The following TAFA1 variants were observed in gnomAD, a reference collection of about 807,000 sequenced individuals.
TAFA1 encodes the protein chemokine-like protein TAFA-1.
In TAFA1, 4 loss-of-function variants were observed where a neutral mutation model predicts 18.5. The ratio of observed to expected loss-of-function variants is 0.22; its 90% CI spans 0.11 to 0.49. TAFA1 has a LOEUF of 0.49. Among genes scored for constraint, TAFA1 ranks in the 20% least tolerant of loss-of-function variants. The probability of loss-of-function intolerance (pLI) is 0.98; values close to 1 mark genes in which losing one functional copy is unlikely to be tolerated. For synonymous variants in TAFA1, 56 were observed against 55.2 expected, an observed-to-expected ratio of 1.01 and a Z score of -0.06; for missense variants, 147 against 169.0, an observed-to-expected ratio of 0.87 and a Z score of 0.72.
chr3:68,539,691 GGT>G (rs1433012240), intron 4 of TAFA1, among the ~76,000 whole-genome samples: 35 of 86,582 alleles, frequency 4.0e-4, no homozygotes, highest in East Asian at 6.7e-4. Context: ...GGGGGCATGG[GGT>G]GGGTGGGTGG....
In TAFA1 at chr3:68,029,142, A is replaced by AT. The variant is rs540530716; in HGVS notation, c.118+22406dup. On this transcript the variant is annotated intron_variant, in intron 2 of 4. Transcript: ENST00000478136. The stretch of plus-strand genomic sequence containing the variant: ...TCCTTCTCTCAAGATTCTCTATCAC[A>AT]TTTTTTTTAACCACATAAGGTAATA... 2.0e-4 allele frequency among the ~76,000 whole-genome samples: 31 copies of AT among 151,878 alleles called. 1 individual carries two copies. The South Asian group carries it at 2.9e-3, about 14-fold the overall frequency.
chr3:68,065,431 T>G (rs564709699), intron 2 of TAFA1, among the ~76,000 whole-genome samples: 1 of 152,266 alleles, frequency 6.6e-6, no homozygotes, highest in East Asian at 1.9e-4. Context: ...TGCAAGCACA[T>G]TACAAGGGCA....
At position 68,543,385 on chromosome 3, in the gene TAFA1, G is replaced by A. The variant is rs188076069; in HGVS notation, c.385-1101G>A. ...ATCTGGTGTCATATCTTGGGAAGCAGCAAACCACGCTGGGTTTGCTTCATT... is the reference window on the plus strand; with the variant it reads ...ATCTGGTGTCATATCTTGGGAAGCAACAAACCACGCTGGGTTTGCTTCATT... On this transcript the variant is annotated intron_variant, in intron 4 of 4. Coordinates refer to ENST00000478136, the MANE Select transcript of TAFA1 (RefSeq NM_213609.4). Among the ~76,000 whole-genome samples, 51 of 152,246 alleles carry A rather than the reference G, an allele frequency of 3.3e-4. No homozygotes were observed. In the East Asian group the frequency reaches 8.5e-3, roughly 25 times the overall value.
intron 2 of TAFA1, among the ~76,000 whole-genome samples, chr3:68,223,547 A>G (rs1398704651): frequency 7.4e-6 from 1 of 134,322 alleles, no homozygotes; most frequent in African/African-American, 2.8e-5. Context: ...TTTTTTTTTT[A>G]TTATCACCAT....
At chr3:68,327,162 A>G (rs111285325) in intron 2 of TAFA1, among the ~76,000 whole-genome samples, 3,067 of 152,204 alleles carry the variant, frequency 0.02, 100 homozygotes, top group African/African-American at 0.07. Context: ...TTCACCTTCC[A>G]TCATGATTGT....
chr3:68,289,923 T>C (rs1029724814), intron 2 of TAFA1, among the ~76,000 whole-genome samples: 2 of 152,196 alleles, frequency 1.3e-5, no homozygotes, highest in African/African-American at 4.8e-5. Flanking sequence ...AGTAAACCAA[T>C]GGACTTGTGT....
At chr3:68,131,764 G>A (rs564154150) in intron 2 of TAFA1, among the ~76,000 whole-genome samples, 20 of 152,326 alleles carry the variant, frequency 1.3e-4, no homozygotes, top group African/African-American at 3.8e-4. Context: ...CAAGAGCCTC[G>A]CTGGGAATCC....
chr3:68,417,438 C>T lies in TAFA1; in HGVS notation c.259+18C>T, dbSNP rs375073633. On this transcript the variant is annotated intron_variant, in intron 3 of 4. Transcript: ENST00000478136. ...CGTCGATGGTAGGTACCTGGTTTTA[C>T]CTCTTGAAAAGCTCACATGGCATTC... 2.9e-5 allele frequency: 46 copies of T among 1,612,532 alleles called. No homozygotes were observed. The highest frequency in any genetic ancestry group is 3.8e-5 in the Non-Finnish European group (45 of 1,179,220).
At chr3:68,249,593 A>AT (rs2067153269) in intron 2 of TAFA1, among the ~76,000 whole-genome samples, 1 of 152,168 alleles carries the variant, frequency 6.6e-6, no homozygotes, top group African/African-American at 2.4e-5. Context: ...GGCAAAAAAA[A>AT]CTTGGGTACC....
intron 2 of TAFA1, among the ~76,000 whole-genome samples, chr3:68,045,791 A>G (rs1012777357): frequency 2.0e-5 from 3 of 152,132 alleles, no homozygotes; most frequent in African/African-American, 4.8e-5. Context: ...CCACTCTTTA[A>G]TCATTCATTT....
intron 2 of TAFA1, among the ~76,000 whole-genome samples, chr3:68,210,493 C>G (rs1051877512): frequency 2.0e-5 from 3 of 152,050 alleles, no homozygotes; most frequent in Non-Finnish European, 4.4e-5. Context: ...ACCTGACTCA[C>G]TGAATCATCT....
chr3:68,076,805 T>G (rs2106762654), intron 2 of TAFA1, among the ~76,000 whole-genome samples: 1 of 152,380 alleles, frequency 6.6e-6, no homozygotes, highest in Admixed American at 6.5e-5. Flanking sequence ...TGATTTATAG[T>G]CCTTTGGGTA....
intron 3 of TAFA1, among the ~76,000 whole-genome samples, chr3:68,456,877 C>G (rs2071676945): frequency 6.6e-6 from 1 of 152,150 alleles, no homozygotes; most frequent in South Asian, 2.1e-4. Context: ...AGCAATTCAA[C>G]TTTTTCTTGT....
chr3:68,060,452 A>G (rs2064588458), intron 2 of TAFA1, among the ~76,000 whole-genome samples: 1 of 152,150 alleles, frequency 6.6e-6, no homozygotes, highest in South Asian at 2.1e-4. Context: ...TTTAAAGAAC[A>G]TTGTTTTAGG....
intron 2 of TAFA1, among the ~76,000 whole-genome samples, chr3:68,414,368 C>T (rs767511443): frequency 6.6e-6 from 1 of 152,064 alleles, no homozygotes; most frequent in Admixed American, 6.6e-5. Context: ...GGAGGGGCGG[C>T]TCGGATATTT....
chr3:68,262,328 T>C (rs2067446261), intron 2 of TAFA1, among the ~76,000 whole-genome samples: 1 of 75,458 alleles, frequency 1.3e-5, no homozygotes, highest in African/African-American at 5.1e-5. Flanking sequence ...TATATATATA[T>C]ATATATATAT....
At chr3:68,182,830 A>G (rs1575665580) in intron 2 of TAFA1, among the ~76,000 whole-genome samples, 1 of 152,288 alleles carries the variant, frequency 6.6e-6, no homozygotes, top group Non-Finnish European at 1.5e-5. Context: ...TTTAGTGATA[A>G]TGTCATGTTT....
chr3:68,090,746 G>T (rs928106683), intron 2 of TAFA1, among the ~76,000 whole-genome samples: 1 of 152,140 alleles, frequency 6.6e-6, no homozygotes, highest in Non-Finnish European at 1.5e-5. Flanking sequence ...CCTTTTACTT[G>T]GGTGAGAGAA....
intron 3 of TAFA1, among the ~76,000 whole-genome samples, chr3:68,528,652 G>T (rs1387214149): frequency 3.9e-5 from 6 of 152,156 alleles, no homozygotes; most frequent in Non-Finnish European, 7.3e-5. Context: ...GCTTTAAATT[G>T]CATGACAGGT....
Sources: gnomAD v4.1 joint callset for allele counts (sites outside exome capture counted in the v4.1 genomes callset) on GRCh38, gnomAD v4.1.1 for gene constraint, MANE v1.5 for transcripts, NCBI Gene and HGNC (gene_info 2026-07-23, HGNC 2026-07-21) for gene names.